Variants in TENM3 observed in about 807,000 individuals in gnomAD.
TENM3 encodes the protein teneurin-3.
A neutral mutation model predicts 255.1 loss-of-function variants in TENM3; 63 were observed. The ratio of observed to expected loss-of-function variants is 0.25; its 90% CI spans 0.20 to 0.30. The LOEUF (loss-of-function observed/expected upper bound fraction) is 0.30. TENM3 is among the 10% of genes least tolerant of loss of function. The pLI, the probability that TENM3 is intolerant of heterozygous loss-of-function variation, is 1.00. For synonymous variants in TENM3, 1,306 were observed against 1,322.3 expected, an observed-to-expected ratio of 0.99 and a Z score of 0.27; for missense variants, 2,929 against 3,461.1, an observed-to-expected ratio of 0.85 and a Z score of 3.86.
chr4:182,075,995 C>T, the TENM3 span, among the ~76,000 whole-genome samples: 1 of 152,084 alleles, frequency 6.6e-6, no homozygotes, highest in Non-Finnish European at 1.5e-5. Flanking sequence ...CTCACTGTAG[C>T]TGTGAACTCC....
the TENM3 span, among the ~76,000 whole-genome samples, chr4:181,742,907 A>G: frequency 6.8e-6 from 1 of 146,660 alleles, no homozygotes; most frequent in African/African-American, 2.5e-5. Flanking sequence ...AGTCCCACCT[A>G]TAAGTGAGAA....
At chr4:182,234,592 C>A (rs1030886288) in intron 1 of TENM3, among the ~76,000 whole-genome samples, 2 of 151,948 alleles carry the variant, frequency 1.3e-5, no homozygotes, top group Non-Finnish European at 2.9e-5. Flanking sequence ...ATTAGCCGGG[C>A]GTGGTGGCAG....
Position 182,736,868 on chromosome 4 carries a change from A to G in TENM3, c.3028A>G (p.Arg1010Gly). Residue 1010 changes from arginine to glycine, a missense_variant, in exon 17 of 28, where the codon AGA (arginine) becomes GGA (glycine). Arg to Gly is a moderately radical substitution (Grantham distance 125). Around this residue, in one of 6 missense-constraint regions of TENM3, gnomAD observed 1,608 missense variants for 1,884.4 expected, o/e 0.85. Transcript: ENST00000511685. ...TDLKLSYLSS[R>G]AAGYKSVLKI... is the part of the protein sequence containing the mutation. The stretch of plus-strand genomic sequence containing the variant: ...TTTGAAACTCTCCTACTTGAGTTCC[A>G]GAGCTGCAGGGTATAAGTCAGTTCT... 1.2e-6 allele frequency: 2 copies of G among 1,613,838 alleles called. No homozygotes were observed. The highest frequency in any genetic ancestry group is 8.5e-7 in the Non-Finnish European group (1 of 1,179,784).
chr4:181,859,043 C>A, the TENM3 span, among the ~76,000 whole-genome samples: 1 of 151,886 alleles, frequency 6.6e-6, no homozygotes, highest in Non-Finnish European at 1.5e-5. Context: ...GCGTGTTGGT[C>A]TTGTTGGTTC....
intron 1 of TENM3, among the ~76,000 whole-genome samples, chr4:182,294,331 A>G (rs984835526): frequency 6.6e-6 from 1 of 152,176 alleles, no homozygotes; most frequent in Non-Finnish European, 1.5e-5. Flanking sequence ...CCCAGGTGGA[A>G]GATTCTAGGG....
chr4:182,122,823 A>C, the TENM3 span, among the ~76,000 whole-genome samples: 17 of 152,286 alleles, frequency 1.1e-4, no homozygotes, highest in East Asian at 3.1e-3. Flanking sequence ...CTAGCTATGA[A>C]AGTCTGAGGT....
the TENM3 span, among the ~76,000 whole-genome samples, chr4:181,953,641 C>T: frequency 2.0e-5 from 3 of 151,966 alleles, no homozygotes; most frequent in East Asian, 5.8e-4. Flanking sequence ...GATTGCGCCA[C>T]TGCACTCCAG....
At chr4:182,236,438 T>C (rs1756905470) in intron 1 of TENM3, among the ~76,000 whole-genome samples, 1 of 152,188 alleles carries the variant, frequency 6.6e-6, no homozygotes, top group Non-Finnish European at 1.5e-5. Context: ...ATATGGACAT[T>C]AATTCTTATA....
intron 3 of TENM3, among the ~76,000 whole-genome samples, chr4:182,537,730 A>G (rs1380440853): frequency 6.6e-6 from 1 of 152,138 alleles, no homozygotes; most frequent in Non-Finnish European, 1.5e-5. Context: ...AGCCATGACT[A>G]GTTACTTGAC....
chr4:181,967,093 G>A, the TENM3 span, among the ~76,000 whole-genome samples: 2 of 151,940 alleles, frequency 1.3e-5, no homozygotes, highest in African/African-American at 2.4e-5. Flanking sequence ...TGCATGAAAG[G>A]GTTCCTTCCA....
the TENM3 span, among the ~76,000 whole-genome samples, chr4:181,717,888 A>G: frequency 6.6e-6 from 1 of 152,216 alleles, no homozygotes; most frequent in Non-Finnish European, 1.5e-5. Context: ...ACTTCTTTCT[A>G]TACCTTCGCG....
At chr4:182,514,325 G>T (rs1737719623) in intron 3 of TENM3, among the ~76,000 whole-genome samples, 1 of 152,232 alleles carries the variant, frequency 6.6e-6, no homozygotes, top group African/African-American at 2.4e-5. Context: ...GGAAGGAGCA[G>T]ATGACTACTG....
chr4:182,072,878 A>G, the TENM3 span, among the ~76,000 whole-genome samples: 2 of 152,158 alleles, frequency 1.3e-5, no homozygotes, highest in African/African-American at 2.4e-5. Flanking sequence ...AACCCCCAAC[A>G]TGACAGTATT....
chr4:181,958,358 A>G, the TENM3 span, among the ~76,000 whole-genome samples: 1 of 152,164 alleles, frequency 6.6e-6, no homozygotes, highest in South Asian at 2.1e-4. Flanking sequence ...TTTGGACTCT[A>G]TTATCAAACA....
the TENM3 span, among the ~76,000 whole-genome samples, chr4:181,660,227 T>G: frequency 2.0e-5 from 3 of 152,192 alleles, no homozygotes; most frequent in Non-Finnish European, 4.4e-5. Context: ...CAAGAACATG[T>G]ACAACACACA....
the TENM3 span, among the ~76,000 whole-genome samples, chr4:181,649,999 A>T: frequency 6.6e-6 from 1 of 152,174 alleles, no homozygotes; most frequent in African/African-American, 2.4e-5. Context: ...CAGCAGAGAC[A>T]AACTTTGTTT....
At chr4:182,015,158 G>C in the TENM3 span, among the ~76,000 whole-genome samples, 1 of 152,160 alleles carries the variant, frequency 6.6e-6, no homozygotes, top group Admixed American at 6.5e-5. Flanking sequence ...CGCGGCCATC[G>C]TCACAGCCTG....
rs1363209355 is a variant in TENM3 at position 182,796,790 on chromosome 4, G to A, written c.7344+23G>A. On this transcript the variant is annotated intron_variant, in intron 27 of 27. Coordinates refer to ENST00000511685, the MANE Select transcript of TENM3 (RefSeq NM_001080477.4). ...CCGGTAAGAAACAAAAAGACCTACGGAAAGGTGATAAGTAGCTTGTGTCTT... is the reference window on the plus strand; with the variant it reads ...CCGGTAAGAAACAAAAAGACCTACGAAAAGGTGATAAGTAGCTTGTGTCTT... 64 of 1,583,858 alleles carry A rather than the reference G, an allele frequency of 4.0e-5. 1 individual carries two copies. Among genetic ancestry groups the A allele is most frequent in the Non-Finnish European group, 5.4e-5 (63 of 1,162,496 alleles).
chr4:182,118,344 C>T, the TENM3 span, among the ~76,000 whole-genome samples: 2 of 152,190 alleles, frequency 1.3e-5, no homozygotes, highest in African/African-American at 4.8e-5. Context: ...TAAGACAGGA[C>T]AGCCTGGCTT....
Sources: gnomAD v4.1 joint callset for allele counts (sites outside exome capture counted in the v4.1 genomes callset) on GRCh38, gnomAD v4.1.1 for gene constraint, gnomAD v4.1.1 regional missense constraint, MANE v1.5 for transcripts, NCBI Gene and HGNC (gene_info 2026-07-23, HGNC 2026-07-21) for gene names.